The following ZDHHC14 variants were observed in gnomAD, a reference collection of about 807,000 sequenced individuals.
ZDHHC14 encodes the protein palmitoyltransferase ZDHHC14.
In ZDHHC14, 16 loss-of-function variants were observed where a neutral mutation model predicts 47.7. That is an observed-to-expected ratio of 0.34 (90% confidence interval 0.23 to 0.51). The LOEUF is 0.51. ZDHHC14 is among the 20% of genes least tolerant of loss of function. The probability of loss-of-function intolerance (pLI) is 0.97; values close to 1 mark genes in which losing one functional copy is unlikely to be tolerated. For synonymous variants in ZDHHC14, 293 were observed against 278.9 expected (o/e 1.05, Z -0.50); for missense variants, 515 against 662.5 (o/e 0.78, Z 2.44).
intron 2 of ZDHHC14, among the ~76,000 whole-genome samples, chr6:157,568,070 A>G (rs1782972473): frequency 6.6e-6 from 1 of 152,220 alleles, no homozygotes; most frequent in African/African-American, 2.4e-5. Context: ...AATAGAGGGG[A>G]CATCTTTCAA....
intron 1 of ZDHHC14, among the ~76,000 whole-genome samples, chr6:157,399,734 C>T (rs531657281): frequency 6.6e-6 from 1 of 152,330 alleles, no homozygotes; most frequent in Non-Finnish European, 1.5e-5. Context: ...GTTGGGAGAC[C>T]GTACGTGATC....
chr6:157,432,190 C>T (rs1006501005), intron 1 of ZDHHC14, among the ~76,000 whole-genome samples: 2 of 152,002 alleles, frequency 1.3e-5, no homozygotes, highest in Non-Finnish European at 2.9e-5. Flanking sequence ...TGTGAGGTGC[C>T]GTTGGAGGCT....
chr6:157,458,849 A>ATTTTTTTTTTTTTTTTTTTTTTTTTT lies in ZDHHC14; in HGVS notation c.245+76605_245+76606insTTTTTTTTTTTTTTTTTTTTTTTTTT, dbSNP rs750975822. On this transcript the variant is annotated intron_variant, in intron 1 of 8. Transcript: ENST00000359775. ...TACAGGTACTAGCAAATGTGGGTGG[A>ATTTTTTTTTTTTTTTTTTTTTTTTTT]TTTTTTTTTTTTTTTTTTTTTTGAG... Among the ~76,000 whole-genome samples the ATTTTTTTTTTTTTTTTTTTTTTTTTT allele has an allele frequency of 7.9e-4, 64 of 81,218 alleles. 12 individuals are homozygous for ATTTTTTTTTTTTTTTTTTTTTTTTTT. Among genetic ancestry groups the ATTTTTTTTTTTTTTTTTTTTTTTTTT allele is most frequent in the Non-Finnish European group, 1.1e-3 (47 of 43,642 alleles). The allele number at this position is 81,218 out of a possible 152,430, so 53.3% of individuals were successfully genotyped here.
At chr6:157,479,839 T>C (rs545183994) in intron 1 of ZDHHC14, among the ~76,000 whole-genome samples, 1 of 152,280 alleles carries the variant, frequency 6.6e-6, no homozygotes, top group East Asian at 1.9e-4. Flanking sequence ...AGGCTGGTGG[T>C]GGTTTGATGA....
intron 1 of ZDHHC14, among the ~76,000 whole-genome samples, chr6:157,451,292 T>C (rs1778797602): frequency 6.6e-6 from 1 of 152,194 alleles, no homozygotes. Flanking sequence ...GGAAGAATAA[T>C]AACCTTGTCC....
At chr6:157,386,010 G>GTACAGTA (rs1459734383) in intron 1 of ZDHHC14, among the ~76,000 whole-genome samples, 1 of 152,144 alleles carries the variant, frequency 6.6e-6, no homozygotes, top group African/African-American at 2.4e-5. Context: ...AGTATATACA[G>GTACAGTA]TACAGTATAC....
chr6:157,573,583 G>A (rs183030610), intron 2 of ZDHHC14, among the ~76,000 whole-genome samples: 1 of 152,094 alleles, frequency 6.6e-6, no homozygotes, highest in Non-Finnish European at 1.5e-5. Flanking sequence ...TCCCTCCTAC[G>A]CCCTTCATGA....
intron 1 of ZDHHC14, among the ~76,000 whole-genome samples, chr6:157,396,830 C>G (rs1287433376): frequency 6.6e-6 from 1 of 152,158 alleles, no homozygotes; most frequent in East Asian, 1.9e-4. Context: ...TATATAGAAA[C>G]TGTATTTCTT....
intron 1 of ZDHHC14, among the ~76,000 whole-genome samples, chr6:157,452,640 T>G (rs1222169619): frequency 6.6e-6 from 1 of 151,268 alleles, no homozygotes; most frequent in Non-Finnish European, 1.5e-5. Flanking sequence ...TAACCCAAAT[T>G]GAAAGGAAAG....
At chr6:157,384,476 G>A (rs1055098940) in intron 1 of ZDHHC14, among the ~76,000 whole-genome samples, 4 of 152,166 alleles carry the variant, frequency 2.6e-5, no homozygotes, top group African/African-American at 4.8e-5. Context: ...TGTGTGCGCC[G>A]GGATTTTATT....
chr6:157,411,948 T>G (rs1232414563), intron 1 of ZDHHC14, among the ~76,000 whole-genome samples: 3 of 149,990 alleles, frequency 2.0e-5, no homozygotes, highest in African/African-American at 7.3e-5. Context: ...TTTTATTTCT[T>G]TTTTTTTTGA....
intron 1 of ZDHHC14, among the ~76,000 whole-genome samples, chr6:157,538,292 C>G (rs1781615142): frequency 6.6e-6 from 1 of 152,158 alleles, no homozygotes; most frequent in Non-Finnish European, 1.5e-5. Flanking sequence ...GCTCAGCGAG[C>G]TGAGGAATAT....
At chr6:157,575,692 T>C (rs141944996) in intron 2 of ZDHHC14, among the ~76,000 whole-genome samples, 30 of 152,230 alleles carry the variant, frequency 2.0e-4, no homozygotes, top group African/African-American at 7.0e-4. Context: ...CTGGGAAGAG[T>C]TCCTGCCCCA....
intron 1 of ZDHHC14, among the ~76,000 whole-genome samples, chr6:157,389,489 C>T (rs1777379962): frequency 6.6e-6 from 1 of 151,818 alleles, no homozygotes; most frequent in African/African-American, 2.4e-5. Flanking sequence ...GCCATTTGTC[C>T]CAATATTGTT....
At chr6:157,529,012 C>T (rs1781271370) in intron 1 of ZDHHC14, 1 of 154,100 alleles carries the variant, frequency 6.5e-6, no homozygotes, top group Non-Finnish European at 1.5e-5. Flanking sequence ...CAGGTTTCTC[C>T]CAATGAGTTC....
intron 5 of ZDHHC14, among the ~76,000 whole-genome samples, chr6:157,634,284 T>A (rs139167877): frequency 0.044 from 6,707 of 152,188 alleles, 512 homozygotes; most frequent in African/African-American, 0.15. Context: ...CAAAGGGGAC[T>A]TGGAGGATAA....
At chr6:157,591,242 G>A (rs1334992846) in intron 2 of ZDHHC14, among the ~76,000 whole-genome samples, 1 of 152,180 alleles carries the variant, frequency 6.6e-6, no homozygotes, top group Non-Finnish European at 1.5e-5. Flanking sequence ...AAAATGTGAG[G>A]ACATGAGATT....
intron 1 of ZDHHC14, among the ~76,000 whole-genome samples, chr6:157,426,875 C>T (rs911074583): frequency 2.0e-5 from 3 of 152,194 alleles, no homozygotes; most frequent in African/African-American, 4.8e-5. Flanking sequence ...TCCGTGGAAA[C>T]GGAGACTTCA....
intron 1 of ZDHHC14, among the ~76,000 whole-genome samples, chr6:157,518,009 T>C (rs185028622): frequency 6.6e-6 from 1 of 152,234 alleles, no homozygotes; most frequent in East Asian, 1.9e-4. Flanking sequence ...CCCCCGTGCA[T>C]GGATGTGGAC....
Sources: gnomAD v4.1 joint callset for allele counts (sites outside exome capture counted in the v4.1 genomes callset) on GRCh38, gnomAD v4.1.1 for gene constraint, MANE v1.5 for transcripts, NCBI Gene and HGNC (gene_info 2026-07-23, HGNC 2026-07-21) for gene names.